PIP5KL1: variants seen among roughly 807,000 people sequenced by gnomAD.
PIP5KL1 encodes the protein phosphatidylinositol 4-phosphate 5-kinase-like protein 1.
A neutral mutation model predicts 47.6 loss-of-function variants in PIP5KL1; 45 were observed. The observed-to-expected ratio is 0.94, with a 90% CI of 0.74 to 1.21. The LOEUF is 1.21. PIP5KL1 is among the 50% of genes most tolerant of loss of function. The pLI is 0.00. For missense variants in PIP5KL1, 577 were observed against 547.6 expected (o/e 1.05, Z -0.54); for synonymous variants, 256 against 234.6 (o/e 1.09, Z -0.84).
Position 127,925,471 on chromosome 9 carries a change from T to A in PIP5KL1, c.764-211A>T, listed in dbSNP as rs10987773. The A allele has an allele frequency of 0.016, 9,265 of 576,136 alleles. 661 individuals carry two copies. The East Asian group carries it at 0.2, about 12-fold the overall frequency. 35.7% of individuals were successfully genotyped at this position (576,136 alleles called of 1,614,324 possible). A position where few individuals can be genotyped will look rare whatever the true frequency, so the allele number is the denominator to read the frequency against. Reference sequence around the variant, plus strand: ...CTGATTCCAGAATCTCTTTTATTTTTATTTTATTTTTTGAGACAGAGTCTT... The same window carrying A: ...CTGATTCCAGAATCTCTTTTATTTTAATTTTATTTTTTGAGACAGAGTCTT... On this transcript the variant is annotated intron_variant, in intron 8 of 9. Coordinates refer to ENST00000388747, the MANE Select transcript of PIP5KL1 (RefSeq NM_001135219.2).
rs866371119 is a variant in PIP5KL1, at chr9:127,921,989, T to C, written c.1043A>G (p.Asp348Gly). ...PEQRYFLGVVDLATVYGLRKR... is the reference protein window; with the variant it reads ...PEQRYFLGVVGLATVYGLRKR... ...GCGGAGCCCGTAGACTGTGGCGAGA[T>C]CCACGACGCCCAGGAAATAGCGCTG... The change falls in exon 10 of 10, where the codon GAT becomes GGT. Residue 348 changes from aspartate (D) to glycine (G), a missense_variant. By Grantham distance (94) the Asp-to-Gly change is moderately conservative (BLOSUM62 -1). Transcript: ENST00000388747. 3 of 1,577,932 alleles carry C rather than the reference T, an allele frequency of 1.9e-6. No individual in the cohort carries two copies. The Middle Eastern group carries it at 5.0e-4, about 263-fold the overall frequency.
At chr9:127,930,259 T>C (rs1831418052) in intron 1 of PIP5KL1, among the ~76,000 whole-genome samples, 1 of 152,330 alleles carries the variant, frequency 6.6e-6, no homozygotes, top group Middle Eastern at 3.4e-3. Context: ...GTATGAACTC[T>C]TGTTACTTTT....
Position 127,925,961 on chromosome 9 carries a change from G to C in PIP5KL1, c.669C>G (p.Cys223Trp), listed in dbSNP as rs747570323. The change falls in exon 8 of 10, where the codon TGC becomes TGG. Residue 223 changes from cysteine (C) to tryptophan (W), a missense_variant. Coordinates refer to ENST00000388747, the MANE Select transcript of PIP5KL1 (RefSeq NM_001135219.2). ...RISERYDIKG[C>W]EVSRWVDPAP... Reference sequence around the variant, plus strand: ...CGGGATCCACCCAGCGGCTCACCTCGCAGCCTTTGATGTCATACCTGGGTG... The same window carrying C: ...CGGGATCCACCCAGCGGCTCACCTCCCAGCCTTTGATGTCATACCTGGGTG... 6.2e-7 allele frequency: 1 copy of C among 1,613,212 alleles called. No homozygotes were observed. The highest frequency in any genetic ancestry group is 1.1e-5 in the South Asian group (1 of 91,036).
intron 7 of PIP5KL1, among the ~76,000 whole-genome samples, chr9:127,926,326 G>A (rs1295324311): frequency 1.3e-5 from 2 of 150,266 alleles, no homozygotes; most frequent in African/African-American, 2.5e-5. Flanking sequence ...AAACAAACAC[G>A]GCTCACTGAA....
chr9:127,921,850 CTCCGTGTGCG>C lies in PIP5KL1; in HGVS notation c.1172_1181del (p.Ala391GlyfsTer34), dbSNP rs1365406208. The C allele has an allele frequency of 6.4e-7, 1 of 1,572,208 alleles. No individual in the cohort carries two copies. The highest frequency in any genetic ancestry group is 8.6e-7 in the Non-Finnish European group (1 of 1,164,688). ...GGAGAGTGGGGCCGGGCGCCCGTCACTCCGTGTGCGCCTCCACCCACTGGCAGAGGCGACG... is the reference window on the plus strand; with the variant it reads ...GGAGAGTGGGGCCGGGCGCCCGTCACCCTCCACCCACTGGCAGAGGCGACG... On this transcript the variant is annotated frameshift_variant, in exon 10 of 10. Transcript: ENST00000388747. LOFTEE classifies it high-confidence loss of function.
At chr9:127,928,023 G>T in intron 4 of PIP5KL1, 42 bp downstream of exon 4, 1 of 1,488,880 alleles carries the variant, frequency 6.7e-7, no homozygotes, top group South Asian at 1.4e-5. Context: ...CCCAGCCAGG[G>T]GTACCACTCC....
rs929144548 is a variant in PIP5KL1 at position 127,927,417 on chromosome 9, C to T, written c.560-86G>A. On this transcript the variant is annotated intron_variant, in intron 5 of 9. Coordinates refer to ENST00000388747, the MANE Select transcript of PIP5KL1 (RefSeq NM_001135219.2). This position sits in a 1 kb window ranked among gnomAD's most constrained non-coding sequence, Gnocchi z 5.5. ...GCGCCAATCCCAGCGCCAGGCCACG[C>T]CTCCTTCTCAAGATCCGCGGCACCT... 3.9e-6 allele frequency: 6 copies of T among 1,521,786 alleles called. No homozygotes were observed. Among genetic ancestry groups the T allele is most frequent in the Non-Finnish European group, 5.3e-6 (6 of 1,137,258 alleles). 94.3% of individuals were successfully genotyped at this position (1,521,786 alleles called of 1,614,324 possible). A position where few individuals can be genotyped will look rare whatever the true frequency, so the allele number is the denominator to read the frequency against.
chr9:127,927,604 G>A lies in PIP5KL1; in HGVS notation c.559+44C>T, dbSNP rs2131640017. 1 of 902,142 alleles carries A rather than the reference G, an allele frequency of 1.1e-6. No individual in the cohort carries two copies. Among genetic ancestry groups the A allele is most frequent in the Admixed American group, 3.3e-5 (1 of 30,642 alleles). 55.9% of individuals were successfully genotyped at this position (902,142 alleles called of 1,614,324 possible). On this transcript the variant is annotated intron_variant, in intron 5 of 9. Coordinates refer to ENST00000388747, the MANE Select transcript of PIP5KL1 (RefSeq NM_001135219.2). This position sits in a 1 kb window ranked among gnomAD's most constrained non-coding sequence, Gnocchi z 5.5. Reference sequence around the variant, plus strand: ...ACCCCGCCCTCCCCAGGTATATGATGACCTAGGACCCGCCCCCACCGAGCC... The same window carrying A: ...ACCCCGCCCTCCCCAGGTATATGATAACCTAGGACCCGCCCCCACCGAGCC...
Position 127,921,916 on chromosome 9 carries a change from G to A in PIP5KL1, c.1116C>T (p.Thr372=). 6.3e-7 allele frequency: 1 copy of A among 1,577,808 alleles called. No individual in the cohort carries two copies. The highest frequency in any genetic ancestry group is 8.6e-7 in the Non-Finnish European group (1 of 1,164,164). ...AGCGAGCCGGGCTGACAGTGGAGAA[G>A]GTCCGGCCTGGGTAGCGCAGTGTCT... is the stretch of plus-strand genomic sequence containing the variant. ...LWKTLRYPGR[T]FSTVSPARYA... The change falls in exon 10 of 10, where the codon ACC becomes ACT. Residue 372 remains threonine, a synonymous_variant. Coordinates refer to ENST00000388747, the MANE Select transcript of PIP5KL1 (RefSeq NM_001135219.2).
chr9:127,922,727 A>C (rs554899216), intron 9 of PIP5KL1, among the ~76,000 whole-genome samples: 54 of 151,670 alleles, frequency 3.6e-4, no homozygotes, highest in Non-Finnish European at 6.9e-4. Flanking sequence ...AAGAAAAAGA[A>C]AAAAGAAAAG....
chr9:127,922,349 G>C (rs1321468213), intron 9 of PIP5KL1, among the ~76,000 whole-genome samples: 1 of 152,194 alleles, frequency 6.6e-6, no homozygotes, highest in East Asian at 1.9e-4. Context: ...GCTATTCCTA[G>C]TTGAGATGTG....
In PIP5KL1 at chr9:127,925,231, T is replaced by C. The variant is rs765860433; in HGVS notation, c.793A>G (p.Met265Val). 21 of 1,613,592 alleles carry C rather than the reference T, an allele frequency of 1.3e-5. No individual in the cohort carries two copies. The Middle Eastern group carries it at 1.3e-3, about 101-fold the overall frequency. Residue 265 changes from methionine to valine, a missense_variant, in exon 9 of 10, where the codon ATG (methionine) becomes GTG (valine). By Grantham distance (21) the Met-to-Val change is conservative. Coordinates refer to ENST00000388747, the MANE Select transcript of PIP5KL1 (RefSeq NM_001135219.2). ...GPQRSWFLRQ[M>V]ELDTTFLREL... ...CGGAGGAAGGTGGTATCCAGTTCCA[T>C]CTGGCGGAGGAACCAGCTCCGCTGG...
rs759548053 is a variant in PIP5KL1, at chr9:127,927,107, C to T, written c.650+46G>A. The T allele has an allele frequency of 6.4e-7, 1 of 1,556,522 alleles. No individual in the cohort carries two copies. Among genetic ancestry groups the T allele is most frequent in the East Asian group, 2.3e-5 (1 of 43,856 alleles). On this transcript the variant is annotated intron_variant, in intron 7 of 9. Transcript: ENST00000388747. The surrounding 1 kb of genome is among the most constrained non-coding windows in gnomAD (Gnocchi z 5.5). ...TAGTGAGTGTGGGTGCTTCGGGCCGCGAGTTTCGGCTGGGATGGGGGCCCA... is the reference window on the plus strand; with the variant it reads ...TAGTGAGTGTGGGTGCTTCGGGCCGTGAGTTTCGGCTGGGATGGGGGCCCA...
At chr9:127,926,404 G>A (rs60028352) in intron 7 of PIP5KL1, among the ~76,000 whole-genome samples, 4,348 of 152,008 alleles carry the variant, frequency 0.029, 183 homozygotes, top group East Asian at 0.1. Context: ...CTACAGGCAC[G>A]TGCCATCACA....
chr9:127,928,326 CA>C, intron 3 of PIP5KL1, 106 bp downstream of exon 3: 1 of 1,539,704 alleles, frequency 6.5e-7, no homozygotes, highest in Non-Finnish European at 8.8e-7. Context: ...CTGCAAGGCT[CA>C]AGTCTCAGGG....
intron 9 of PIP5KL1, among the ~76,000 whole-genome samples, chr9:127,923,602 G>A (rs918495288): frequency 1.1e-4 from 17 of 152,248 alleles, no homozygotes; most frequent in Non-Finnish European, 1.3e-4. Context: ...ATCCGGTCAG[G>A]ACGTGTCCAG....
In PIP5KL1 at chr9:127,921,692, G is replaced by A. The variant is rs972330228; in HGVS notation, c.*155C>T. The A allele has an allele frequency of 9.2e-6, 10 of 1,089,614 alleles. No individual in the cohort carries two copies. Among genetic ancestry groups the A allele is most frequent in the South Asian group, 1.7e-5 (1 of 60,190 alleles). The allele number at this position is 1,089,614 out of a possible 1,614,324, so 67.5% of individuals were successfully genotyped here. ...GCACGATGCTGGGCACGGCACCACC[G>A]TCAAACGGGACTGCGCGGTTACGGT... On this transcript the variant is annotated 3_prime_UTR_variant, in exon 10 of 10. Coordinates refer to ENST00000388747, the MANE Select transcript of PIP5KL1 (RefSeq NM_001135219.2).
intron 3 of PIP5KL1, 61 bp from the exon 4 acceptor site, chr9:127,928,280 T>A: frequency 6.5e-7 from 1 of 1,534,492 alleles, no homozygotes; most frequent in Non-Finnish European, 8.8e-7. Flanking sequence ...GTGCAGTTGG[T>A]CCTGGGACAG....
chr9:127,925,756 G>A (rs368638365), intron 8 of PIP5KL1, 111 bp downstream of exon 8: 12 of 933,838 alleles, frequency 1.3e-5, no homozygotes, highest in Admixed American at 9.0e-5. Context: ...GAGCCACGGC[G>A]CCCGGCCGAA....
Sources: gnomAD v4.1 joint callset for allele counts (sites outside exome capture counted in the v4.1 genomes callset) on GRCh38, gnomAD v4.1.1 for gene constraint, Gnocchi (gnomAD v3.1) non-coding constraint, MANE v1.5 for transcripts, NCBI Gene and HGNC (gene_info 2026-07-23, HGNC 2026-07-21) for gene names.